MLYCD: variants seen among roughly 807,000 people sequenced by gnomAD.
MLYCD encodes the protein malonyl-CoA decarboxylase, mitochondrial.
Under a neutral mutation model 35.8 loss-of-function variants are expected in MLYCD, and 27 were observed. The observed-to-expected ratio is 0.75, with a 90% CI of 0.56 to 1.04. The LOEUF is 1.04. Among genes scored for constraint, MLYCD ranks in the 50% least tolerant of loss-of-function variants. The pLI, the probability that MLYCD is intolerant of heterozygous loss-of-function variation, is 0.00. For missense variants in MLYCD, 917 were observed against 665.1 expected, an observed-to-expected ratio of 1.38 and a Z score of -4.17; for synonymous variants, 403 against 302.4, an observed-to-expected ratio of 1.33 and a Z score of -3.45.
At position 83,917,737 on chromosome 16, in the gene MLYCD, C is replaced by G. The variant is rs1463275709; in HGVS notation, c.*2248C>G. The G allele has an allele frequency of 6.6e-6, 1 of 152,294 alleles. No individual in the cohort carries two copies. The highest frequency in any genetic ancestry group is 1.9e-4 in the East Asian group (1 of 5,202). The allele number at this position is 152,294 out of a possible 1,614,324, so 9.4% of individuals were successfully genotyped here. A position where few individuals can be genotyped will look rare whatever the true frequency, so the allele number is the denominator to read the frequency against. On this transcript the variant is annotated 3_prime_UTR_variant, in exon 5 of 5. Coordinates refer to ENST00000262430, the MANE Select transcript of MLYCD (RefSeq NM_012213.3). ...GCGGAAACCTGCTGGGCCTTACCGT[C>G]TTTGCTTAGCTTTTGGCCTAGACCT...
At chr16:83,904,044 C>A (rs186671010) in intron 1 of MLYCD, among the ~76,000 whole-genome samples, 1 of 152,140 alleles carries the variant, frequency 6.6e-6, no homozygotes, top group Non-Finnish European at 1.5e-5. Flanking sequence ...ATTCCCAGTT[C>A]TCGTGTACCA....
In MLYCD at chr16:83,922,942, A is replaced by C. The variant is rs572371420; in HGVS notation, c.*7453A>C. ...CACAGGGGCTTGAGGGGACCTCCTG[A>C]CCCCTGATGGCTGAGCACCCTTGTC... On this transcript the variant is annotated 3_prime_UTR_variant, in exon 5 of 5. Transcript: ENST00000262430. 6.6e-6 allele frequency: 1 copy of C among 152,306 alleles called. No individual in the cohort carries two copies. The highest frequency in any genetic ancestry group is 2.4e-5 in the African/African-American group (1 of 41,548). 9.4% of individuals were successfully genotyped at this position (152,306 alleles called of 1,614,324 possible). A position where few individuals can be genotyped will look rare whatever the true frequency, so the allele number is the denominator to read the frequency against.
At position 83,916,024 on chromosome 16, in the gene MLYCD, T is replaced by G. The variant is rs1488847907; in HGVS notation, c.*535T>G. On this transcript the variant is annotated 3_prime_UTR_variant, in exon 5 of 5. Coordinates refer to ENST00000262430, the MANE Select transcript of MLYCD (RefSeq NM_012213.3). ...GAAGCTCATAAATGTATGAGAAGGTTTGTGATTTTGCACAAGGTGTGTGTA... is the reference window on the plus strand; with the variant it reads ...GAAGCTCATAAATGTATGAGAAGGTGTGTGATTTTGCACAAGGTGTGTGTA... 9.9e-7 allele frequency: 1 copy of G among 1,005,386 alleles called. No homozygotes were observed. Among genetic ancestry groups the G allele is most frequent in the Non-Finnish European group, 1.2e-6 (1 of 840,198 alleles). The allele number at this position is 1,005,386 out of a possible 1,614,324, so 62.3% of individuals were successfully genotyped here. A position where few individuals can be genotyped will look rare whatever the true frequency, so the allele number is the denominator to read the frequency against.
At position 83,918,842 on chromosome 16, in the gene MLYCD, A is replaced by C. The variant is rs1027120251; in HGVS notation, c.*3353A>C. ...ACACAGACACAGTACACAGGAGAAC[A>C]CGCACACACAGTGCACAGAACACAG... On this transcript the variant is annotated 3_prime_UTR_variant, in exon 5 of 5. Transcript: ENST00000262430. 1 of 148,918 alleles carries C rather than the reference A, an allele frequency of 6.7e-6. No homozygotes were observed. Among genetic ancestry groups the C allele is most frequent in the Non-Finnish European group, 1.5e-5 (1 of 67,622 alleles). The allele number at this position is 148,918 out of a possible 1,614,324, so 9.2% of individuals were successfully genotyped here. A position where few individuals can be genotyped will look rare whatever the true frequency, so the allele number is the denominator to read the frequency against.
At position 83,924,110 on chromosome 16, in the gene MLYCD, C is replaced by G. The variant is rs1907735405; in HGVS notation, c.*8621C>G. On this transcript the variant is annotated 3_prime_UTR_variant, in exon 5 of 5. Coordinates refer to ENST00000262430, the MANE Select transcript of MLYCD (RefSeq NM_012213.3). ...AAAATCCAGGCCAGCGAGGGGCAGC[C>G]AGACCACGGGAAGACAGGAGGAACC... 6.6e-6 allele frequency: 1 copy of G among 152,376 alleles called. No individual in the cohort carries two copies. Among genetic ancestry groups the G allele is most frequent in the South Asian group, 2.1e-4 (1 of 4,820 alleles). The allele number at this position is 152,376 out of a possible 1,614,324, so 9.4% of individuals were successfully genotyped here.
rs989284373 is a variant in MLYCD, at chr16:83,912,057, G to A, written c.799-161G>A. 9 of 1,003,806 alleles carry A rather than the reference G, an allele frequency of 9.0e-6. No homozygotes were observed. In the African/African-American group the frequency reaches 1.3e-4, roughly 14 times the overall value. The allele number at this position is 1,003,806 out of a possible 1,614,324, so 62.2% of individuals were successfully genotyped here. ...TCCTCCAGAGAGTTTTCAAAACAGA[G>A]CAGCTTTTAGGCTCTGTAGCCTGAA... On this transcript the variant is annotated intron_variant, in intron 3 of 4. Coordinates refer to ENST00000262430, the MANE Select transcript of MLYCD (RefSeq NM_012213.3).
intron 4 of MLYCD, chr16:83,912,986 A>G (rs1208345274): frequency 1.2e-5 from 2 of 163,818 alleles, no homozygotes; most frequent in Non-Finnish European, 2.7e-5. Flanking sequence ...GCTTTCAAAA[A>G]CCACCAGCCT....
At chr16:83,902,120 T>C (rs79047037) in intron 1 of MLYCD, among the ~76,000 whole-genome samples, 8,509 of 139,954 alleles carry the variant, frequency 0.061, 333 homozygotes, top group East Asian at 0.14. Flanking sequence ...CACATATATA[T>C]GTATGTGTAT....
Position 83,899,213 on chromosome 16 carries a change from C to G in MLYCD, c.69C>G (p.Pro23=), listed in dbSNP as rs1435993466. 5 of 1,205,074 alleles carry G rather than the reference C, an allele frequency of 4.1e-6. No individual in the cohort carries two copies. Among genetic ancestry groups the G allele is most frequent in the Admixed American group, 4.5e-5 (1 of 22,282 alleles). 74.6% of individuals were successfully genotyped at this position (1,205,074 alleles called of 1,614,324 possible). The change falls in exon 1 of 5, where the codon CCC becomes CCG. Residue 23 remains proline, a synonymous_variant. Coordinates refer to ENST00000262430, the MANE Select transcript of MLYCD (RefSeq NM_012213.3). The stretch of plus-strand genomic sequence containing the variant: ...CGCTGCGGTTGCCCCCGCGGCCGCC[C>G]GGGCCCCGGCTGGCGAGCGGGCAGG... ...LLPLRLPPRP[P]GPRLASGQAA...
At chr16:83,908,540 C>CT (rs1907063009) in intron 3 of MLYCD, among the ~76,000 whole-genome samples, 2 of 152,042 alleles carry the variant, frequency 1.3e-5, no homozygotes, top group Non-Finnish European at 2.9e-5. Flanking sequence ...CAGTTAAAGT[C>CT]TATCACAGAA....
intron 1 of MLYCD, among the ~76,000 whole-genome samples, chr16:83,905,251 G>T (rs1906934247): frequency 6.6e-6 from 1 of 151,938 alleles, no homozygotes; most frequent in East Asian, 1.9e-4. Flanking sequence ...TCTAGCTGTT[G>T]TAAAGCCATT....
At chr16:83,907,871 G>A (rs547024603) in intron 2 of MLYCD, among the ~76,000 whole-genome samples, 3 of 152,118 alleles carry the variant, frequency 2.0e-5, no homozygotes, top group South Asian at 2.1e-4. Flanking sequence ...ATCCTTCCCC[G>A]GAGCCTCACA....
At position 83,899,459 on chromosome 16, in the gene MLYCD, G is replaced by C. The variant is rs1446247481; in HGVS notation, c.315G>C (p.Gln105His). Reference sequence around the variant, plus strand: ...TGGACCACGGCCAGGTGGCGGAGCAGAGCGCCGGCGTGCTCCATCTGCGCC... The same window carrying C: ...TGGACCACGGCCAGGTGGCGGAGCACAGCGCCGGCGTGCTCCATCTGCGCC... Reference protein sequence around the residue: ...FGVDHGQVAEQSAGVLHLRQQ... With the variant: ...FGVDHGQVAEHSAGVLHLRQQ... The change falls in exon 1 of 5, where the codon CAG becomes CAC. Residue 105 changes from glutamine to histidine, a missense_variant. Transcript: ENST00000262430. 3.9e-6 allele frequency: 6 copies of C among 1,532,492 alleles called. No individual in the cohort carries two copies. Among genetic ancestry groups the C allele is most frequent in the East Asian group, 2.6e-5 (1 of 38,612 alleles). The allele number at this position is 1,532,492 out of a possible 1,614,324, so 94.9% of individuals were successfully genotyped here.
intron 1 of MLYCD, among the ~76,000 whole-genome samples, chr16:83,900,977 T>C (rs1906764730): frequency 3.9e-5 from 6 of 152,218 alleles, no homozygotes. Context: ...ATCAGATGTT[T>C]ATTAGAAACT....
Position 83,899,119 on chromosome 16 carries a change from C to G in MLYCD, c.-26C>G, listed in dbSNP as rs113006925. 1 of 1,103,548 alleles carries G rather than the reference C, an allele frequency of 9.1e-7. No homozygotes were observed. Among genetic ancestry groups the G allele is most frequent in the Non-Finnish European group, 1.1e-6 (1 of 908,256 alleles). The allele number at this position is 1,103,548 out of a possible 1,614,324, so 68.4% of individuals were successfully genotyped here. ...AAGCGCGGCAGCGGCGGCGGCGCTC[C>G]CCCTCGGCAGCTGTTGTGGGGCACC... On this transcript the variant is annotated 5_prime_UTR_variant, in exon 1 of 5. Coordinates refer to ENST00000262430, the MANE Select transcript of MLYCD (RefSeq NM_012213.3).
rs987846203 is a variant in MLYCD, at chr16:83,899,203, CG to C, written c.60del (p.Arg21GlyfsTer52). On this transcript the variant is annotated frameshift_variant, in exon 1 of 5. Transcript: ENST00000262430. LOFTEE classifies it high-confidence loss of function. The stretch of plus-strand genomic sequence containing the variant: ...CGTCTCCTCCCGCTGCGGTTGCCCC[CG>C]CGGCCGCCCGGGCCCCGGCTGGCGA... ...ARRLLPLRLPPRPPGPRLASG... is the reference protein window; with the variant it reads ...ARRLLPLRLPXRPPGPRLASG... 67 of 1,182,040 alleles carry C rather than the reference CG, an allele frequency of 5.7e-5. No individual in the cohort carries two copies. The highest frequency in any genetic ancestry group is 6.7e-5 in the Non-Finnish European group (64 of 960,078). 73.2% of individuals were successfully genotyped at this position (1,182,040 alleles called of 1,614,324 possible).
Position 83,916,748 on chromosome 16 carries a change from C to G in MLYCD, c.*1259C>G. On this transcript the variant is annotated 3_prime_UTR_variant, in exon 5 of 5. Transcript: ENST00000262430. The stretch of plus-strand genomic sequence containing the variant: ...TCTGTGTGCGTGTGCCCGAGCGTCT[C>G]TGTGTGGATCAGTGCACGTCTGTGT... 1 of 125,274 alleles carries G rather than the reference C, an allele frequency of 8.0e-6. No individual in the cohort carries two copies. Among genetic ancestry groups the G allele is most frequent in the African/African-American group, 3.1e-5 (1 of 32,290 alleles). 7.8% of individuals were successfully genotyped at this position (125,274 alleles called of 1,614,324 possible). A position where few individuals can be genotyped will look rare whatever the true frequency, so the allele number is the denominator to read the frequency against.
rs188316050 is a variant in MLYCD, at chr16:83,910,074, G to C, written c.798+1792G>C. 1.7e-4 allele frequency among the ~76,000 whole-genome samples: 26 copies of C among 152,202 alleles called. 1 individual carries two copies. In the East Asian group the frequency reaches 5.0e-3, roughly 29 times the overall value. ...CTAAGGGCACGTGAGAATGTGCGTG[G>C]GTACGCAGTCCTGTGTGCATTTGTG... is the stretch of plus-strand genomic sequence containing the variant. On this transcript the variant is annotated intron_variant, in intron 3 of 4. Transcript: ENST00000262430.
intron 4 of MLYCD, chr16:83,914,556 G>A (rs1486909926): frequency 6.3e-6 from 2 of 318,802 alleles, no homozygotes; most frequent in Non-Finnish European, 1.2e-5. Flanking sequence ...GGATGGTGGG[G>A]ACAGAGACGC....
Sources: gnomAD v4.1 joint callset for allele counts (sites outside exome capture counted in the v4.1 genomes callset) on GRCh38, gnomAD v4.1.1 for gene constraint, MANE v1.5 for transcripts, NCBI Gene and HGNC (gene_info 2026-07-23, HGNC 2026-07-21) for gene names.